ELAVL3: variants seen among roughly 807,000 people sequenced by gnomAD.
ELAVL3 encodes ELAV like RNA binding protein 3, also known as ELAV-like protein 3.
A neutral mutation model predicts 34.2 loss-of-function variants in ELAVL3; 8 were observed. The ratio of observed to expected loss-of-function variants is 0.23; its 90% CI spans 0.14 to 0.42. The LOEUF (loss-of-function observed/expected upper bound fraction) is 0.42, where lower values mean the gene tolerates loss of function less well. ELAVL3 is among the 10% of genes least tolerant of loss of function. The pLI is 1.00. For synonymous variants in ELAVL3, 209 were observed against 222.1 expected (o/e 0.94, Z 0.53); for missense variants, 273 against 518.8 (o/e 0.53, Z 4.60).
At chr19:11,470,387 C>T (rs144517807) in intron 1 of ELAVL3, among the ~76,000 whole-genome samples, 61 of 151,552 alleles carry the variant, frequency 4.0e-4, no homozygotes, top group African/African-American at 1.4e-3. Context: ...TAAATAAGGC[C>T]GGGCATGGTG....
At chr19:11,465,772 A>G (rs1430633914) in intron 3 of ELAVL3, among the ~76,000 whole-genome samples, 1 of 151,442 alleles carries the variant, frequency 6.6e-6, no homozygotes, top group Non-Finnish European at 1.5e-5. Context: ...TTGCACAAAG[A>G]TGGGGGATGG....
At chr19:11,470,197 A>G (rs1329777602) in intron 1 of ELAVL3, among the ~76,000 whole-genome samples, 2 of 152,004 alleles carry the variant, frequency 1.3e-5, no homozygotes, top group African/African-American at 4.8e-5. Context: ...TCTACTAAAA[A>G]TACCACAATT....
chr19:11,461,186 A>C (rs1230608510), intron 3 of ELAVL3, among the ~76,000 whole-genome samples: 1 of 152,112 alleles, frequency 6.6e-6, no homozygotes, highest in African/African-American at 2.4e-5. Context: ...CTCTAAAAAA[A>C]AAAAGAGAAA....
At chr19:11,479,783 G>C (rs961919493) in intron 1 of ELAVL3, among the ~76,000 whole-genome samples, 4 of 151,656 alleles carry the variant, frequency 2.6e-5, no homozygotes, top group Non-Finnish European at 5.9e-5. Context: ...CGGTGCGGGC[G>C]AGCAGGCGGG....
rs147547697 is a variant in ELAVL3 at position 11,458,321 on chromosome 19, C to G, written c.488-35G>C. The G allele has an allele frequency of 2.0e-3, 3,218 of 1,610,080 alleles. 54 individuals are homozygous for G. In the African/African-American group the frequency reaches 0.036, roughly 18 times the overall value. On this transcript the variant is annotated intron_variant, in intron 4 of 6. Transcript: ENST00000359227. This position sits in a 1 kb window ranked among gnomAD's most constrained non-coding sequence, Gnocchi z 7.3. ...GGCAGGGATGTCCATCACGACGACC[C>G]TGTCCCCTCCTGTGTAACCCCACTT... is the stretch of plus-strand genomic sequence containing the variant.
intron 3 of ELAVL3, among the ~76,000 whole-genome samples, chr19:11,464,996 AC>A (rs1971003124): frequency 7.7e-6 from 1 of 130,388 alleles, no homozygotes; most frequent in African/African-American, 3.0e-5. Flanking sequence ...CACACACCAC[AC>A]ACCACACACA....
Position 11,452,117 on chromosome 19 carries a change from A to G in ELAVL3, c.*2409T>C, listed in dbSNP as rs1970658188. 1 of 152,264 alleles carries G rather than the reference A, an allele frequency of 6.6e-6. No individual in the cohort carries two copies. The highest frequency in any genetic ancestry group is 6.5e-5 in the Admixed American group (1 of 15,284). The allele number at this position is 152,264 out of a possible 1,614,324, so 9.4% of individuals were successfully genotyped here. A position where few individuals can be genotyped will look rare whatever the true frequency, so the allele number is the denominator to read the frequency against. Reference sequence around the variant, plus strand: ...TGAAAAAATTCTCAAGACAAGAGCAAAAAGAATCCCATTGGTGACCTGGAC... The same window carrying G: ...TGAAAAAATTCTCAAGACAAGAGCAGAAAGAATCCCATTGGTGACCTGGAC... On this transcript the variant is annotated 3_prime_UTR_variant, in exon 7 of 7. Transcript: ENST00000359227.
rs1297744759 is a variant in ELAVL3 at position 11,454,327 on chromosome 19, C to T, written c.*199G>A. 8 of 583,792 alleles carry T rather than the reference C, an allele frequency of 1.4e-5. No individual in the cohort carries two copies. Among genetic ancestry groups the T allele is most frequent in the East Asian group, 1.1e-4 (4 of 35,172 alleles). The allele number at this position is 583,792 out of a possible 1,614,324, so 36.2% of individuals were successfully genotyped here. ...GCAGGAGGATGGGGCGGGGGATCCC[C>T]GGGCACCCCCCCAATTCCCTGCAGA... On this transcript the variant is annotated 3_prime_UTR_variant, in exon 7 of 7. Coordinates refer to ENST00000359227, the MANE Select transcript of ELAVL3 (RefSeq NM_001420.4). This position sits in a 1 kb window ranked among gnomAD's most constrained non-coding sequence, Gnocchi z 9.2.
chr19:11,477,365 C>T (rs1160035465), intron 1 of ELAVL3, among the ~76,000 whole-genome samples: 1 of 152,098 alleles, frequency 6.6e-6, no homozygotes, highest in Non-Finnish European at 1.5e-5. Flanking sequence ...GATCATGGCT[C>T]ACTGAAGCCT....
chr19:11,456,369 G>A (rs1970768442), intron 6 of ELAVL3, among the ~76,000 whole-genome samples: 1 of 152,260 alleles, frequency 6.6e-6, no homozygotes, highest in Non-Finnish European at 1.5e-5. Context: ...TTCCCAAAGT[G>A]CTGGGATTAC....
At chr19:11,475,171 G>A (rs1468562917) in intron 1 of ELAVL3, among the ~76,000 whole-genome samples, 1 of 152,124 alleles carries the variant, frequency 6.6e-6, no homozygotes, top group East Asian at 1.9e-4. Context: ...AGCATCTACT[G>A]TGTGCCAGGC....
intron 3 of ELAVL3, among the ~76,000 whole-genome samples, chr19:11,464,354 G>T (rs1197157015): frequency 6.6e-6 from 1 of 151,284 alleles, no homozygotes; most frequent in Non-Finnish European, 1.5e-5. Context: ...TTAGGAACAG[G>T]GTTTTGTCAC....
Position 11,466,934 on chromosome 19 carries a change from G to C in ELAVL3, c.10-107C>G. 1 of 840,154 alleles carries C rather than the reference G, an allele frequency of 1.2e-6. No homozygotes were observed. Among genetic ancestry groups the C allele is most frequent in the Non-Finnish European group, 1.8e-6 (1 of 542,954 alleles). The allele number at this position is 840,154 out of a possible 1,614,324, so 52.0% of individuals were successfully genotyped here. Reference sequence around the variant, plus strand: ...ATTAGCCATGTCTTATAGGGGCTTCGTCATGGGGAGGGGTCACTTTATTAT... The same window carrying C: ...ATTAGCCATGTCTTATAGGGGCTTCCTCATGGGGAGGGGTCACTTTATTAT... On this transcript the variant is annotated intron_variant, in intron 1 of 6. Coordinates refer to ENST00000359227, the MANE Select transcript of ELAVL3 (RefSeq NM_001420.4). This position sits in a 1 kb window ranked among gnomAD's most constrained non-coding sequence, Gnocchi z 5.0.
chr19:11,458,696 G>C lies in ELAVL3; in HGVS notation c.334-85C>G, dbSNP rs1020517935. The C allele has an allele frequency of 7.1e-6, 11 of 1,539,008 alleles. No homozygotes were observed. The African/African-American group carries it at 9.5e-5, about 13-fold the overall frequency. On this transcript the variant is annotated intron_variant, in intron 3 of 6. Transcript: ENST00000359227. The surrounding 1 kb of genome is among the most constrained non-coding windows in gnomAD (Gnocchi z 7.3). ...AGTGAGGCCATGTCTAAACCATCAC[G>C]GAGTTAGCAGAAGTGACCCATCCGT... is the stretch of plus-strand genomic sequence containing the variant.
At chr19:11,473,595 G>A (rs563233322) in intron 1 of ELAVL3, among the ~76,000 whole-genome samples, 1 of 152,318 alleles carries the variant, frequency 6.6e-6, no homozygotes, top group Admixed American at 6.5e-5. Flanking sequence ...CTACATGCAA[G>A]TTTTCTGTTC....
rs372549324 is a variant in ELAVL3, at chr19:11,458,190, G to A, written c.584C>T (p.Ala195Val). ...GLNGQKPLGAAEPITVKFANN... is the reference protein window; with the variant it reads ...GLNGQKPLGAVEPITVKFANN... The stretch of plus-strand genomic sequence containing the variant: ...CGCGAACTTGACTGTGATGGGCTCA[G>A]CTGCGCCCAGCGGCTTCTGCCCATT... The change falls in exon 5 of 7, where the codon GCT becomes GTT. Residue 195 changes from alanine (A) to valine (V), a missense_variant. Ala to Val is a moderately conservative substitution (Grantham distance 64, BLOSUM62 0). Around this residue, in one of 4 missense-constraint regions of ELAVL3, gnomAD observed 102 missense variants for 250.1 expected, o/e 0.41. Coordinates refer to ENST00000359227, the MANE Select transcript of ELAVL3 (RefSeq NM_001420.4). The surrounding 1 kb of genome is among the most constrained non-coding windows in gnomAD (Gnocchi z 7.3). The A allele has an allele frequency of 1.9e-6, 3 of 1,614,148 alleles. No individual in the cohort carries two copies. Among genetic ancestry groups the A allele is most frequent in the Non-Finnish European group, 2.5e-6 (3 of 1,180,020 alleles).
chr19:11,471,275 A>G (rs1971157815), intron 1 of ELAVL3, among the ~76,000 whole-genome samples: 2 of 149,410 alleles, frequency 1.3e-5, no homozygotes. Flanking sequence ...ACATCATTGC[A>G]TTCCAGCCTG....
chr19:11,472,988 A>G (rs540046579), intron 1 of ELAVL3, among the ~76,000 whole-genome samples: 9 of 151,210 alleles, frequency 6.0e-5, no homozygotes, highest in Admixed American at 2.0e-4. Flanking sequence ...AATCACTTGA[A>G]TCCGGGAGGT....
At chr19:11,477,928 G>A (rs1411714884) in intron 1 of ELAVL3, among the ~76,000 whole-genome samples, 1 of 152,078 alleles carries the variant, frequency 6.6e-6, no homozygotes, top group Non-Finnish European at 1.5e-5. Context: ...GACCTCATGT[G>A]ATCCACCCAC....
Sources: gnomAD v4.1 joint callset for allele counts (sites outside exome capture counted in the v4.1 genomes callset) on GRCh38, gnomAD v4.1.1 for gene constraint, gnomAD v4.1.1 regional missense constraint, Gnocchi (gnomAD v3.1) non-coding constraint, MANE v1.5 for transcripts, NCBI Gene and HGNC (gene_info 2026-07-23, HGNC 2026-07-21) for gene names.